The following FILIP1L variants were observed in gnomAD, a reference collection of about 807,000 sequenced individuals.
FILIP1L encodes filamin A interacting protein 1 like.
Under a neutral mutation model 96.6 loss-of-function variants are expected in FILIP1L, and 55 were observed. The observed-to-expected ratio is 0.57, with a 90% CI of 0.46 to 0.71. The LOEUF is 0.71. Among genes scored for constraint, FILIP1L ranks in the 30% least tolerant of loss-of-function variants. The pLI, the probability that FILIP1L is intolerant of heterozygous loss-of-function variation, is 0.00. For missense variants in FILIP1L, 1,304 were observed against 1,321.2 expected, an observed-to-expected ratio of 0.99 and a Z score of 0.20; for synonymous variants, 467 against 473.9, an observed-to-expected ratio of 0.99 and a Z score of 0.19.
intron 1 of FILIP1L, among the ~76,000 whole-genome samples, chr3:100,103,640 A>T (rs992388350): frequency 1.3e-5 from 2 of 152,138 alleles, no homozygotes; most frequent in Non-Finnish European, 2.9e-5. Flanking sequence ...TGGAGGAGAG[A>T]ATATTGGTTG....
At chr3:100,074,996 A>AT (rs2065827602) in intron 1 of FILIP1L, among the ~76,000 whole-genome samples, 1 of 151,824 alleles carries the variant, frequency 6.6e-6, no homozygotes, top group South Asian at 2.1e-4. Flanking sequence ...GCCCGGCCTG[A>AT]TTTTCTTTTA....
Position 99,830,407 on chromosome 3 carries a change from G to T in FILIP1L, c.*7C>A. On this transcript the variant is annotated 3_prime_UTR_variant, in exon 6 of 6. Transcript: ENST00000477258. ...ATGAATGTATCCAGGCAGTGCATTGGTATGAGTTACCTTCTCCCTCCCACG... is the reference window on the plus strand; with the variant it reads ...ATGAATGTATCCAGGCAGTGCATTGTTATGAGTTACCTTCTCCCTCCCACG... 2.3e-6 allele frequency: 1 copy of T among 434,398 alleles called. No individual in the cohort carries two copies. The highest frequency in any genetic ancestry group is 4.7e-6 in the Non-Finnish European group (1 of 214,814). The allele number at this position is 434,398 out of a possible 1,614,324, so 26.9% of individuals were successfully genotyped here.
At chr3:100,066,262 A>G (rs1303479181) in intron 1 of FILIP1L, among the ~76,000 whole-genome samples, 3 of 152,158 alleles carry the variant, frequency 2.0e-5, no homozygotes, top group East Asian at 3.8e-4. Context: ...TTTTCTTTTT[A>G]TTATTTTAAT....
chr3:100,093,441 T>C (rs1000075081), intron 1 of FILIP1L, among the ~76,000 whole-genome samples: 3 of 152,124 alleles, frequency 2.0e-5, no homozygotes, highest in South Asian at 2.1e-4. Context: ...ACAAAAAATA[T>C]ATACTTTTTT....
At chr3:99,912,594 T>C (rs1706827374) in intron 4 of FILIP1L, among the ~76,000 whole-genome samples, 1 of 152,128 alleles carries the variant, frequency 6.6e-6, no homozygotes, top group Non-Finnish European at 1.5e-5. Context: ...CCCAGGCTGG[T>C]CTCAAACTCC....
intron 4 of FILIP1L, among the ~76,000 whole-genome samples, chr3:99,893,482 T>A (rs193199308): frequency 2.6e-5 from 4 of 152,314 alleles, no homozygotes; most frequent in Admixed American, 6.5e-5. Context: ...AGACATTTTT[T>A]AATAGGCATT....
intron 4 of FILIP1L, among the ~76,000 whole-genome samples, chr3:99,868,598 A>C (rs944792724): frequency 1.3e-5 from 2 of 152,250 alleles, no homozygotes; most frequent in African/African-American, 2.4e-5. Context: ...TCCTTTCTGC[A>C]TAAGTCCAGG....
intron 4 of FILIP1L, among the ~76,000 whole-genome samples, chr3:99,879,977 A>G (rs578120980): frequency 1.1e-4 from 17 of 152,224 alleles, no homozygotes; most frequent in Middle Eastern, 3.4e-3. Flanking sequence ...ACCCCACGCT[A>G]CCTTCTACCA....
chr3:100,014,869 C>CTTTTTT (rs1559725848), intron 1 of FILIP1L, among the ~76,000 whole-genome samples: 2 of 18,520 alleles, frequency 1.1e-4, no homozygotes, highest in Non-Finnish European at 2.4e-4. Context: ...TTGTCTTTTT[C>CTTTTTT]TTTTCTTTTT....
intron 1 of FILIP1L, among the ~76,000 whole-genome samples, chr3:100,097,225 T>G (rs576537591): frequency 1.3e-5 from 2 of 152,186 alleles, no homozygotes; most frequent in African/African-American, 4.8e-5. Flanking sequence ...GATGAACAGT[T>G]TCATCCCCAA....
intron 1 of FILIP1L, among the ~76,000 whole-genome samples, chr3:99,956,111 C>T (rs1708312559): frequency 6.6e-6 from 1 of 152,110 alleles, no homozygotes; most frequent in Non-Finnish European, 1.5e-5. Flanking sequence ...TTATTCATTC[C>T]TTATTGCCTC....
chr3:99,848,836 G>A lies in FILIP1L; in HGVS notation c.2840C>T (p.Thr947Ile), dbSNP rs369863451. Residue 947 changes from threonine (T) to isoleucine (I), a missense_variant, in exon 5 of 6, where the codon ACC becomes ATC. Thr to Ile is a moderately conservative substitution (Grantham distance 89, BLOSUM62 -1). Coordinates refer to ENST00000477258, the MANE Select transcript of FILIP1L (RefSeq NM_001387850.1). ...TGTTATGGAGGCGTTTTGGAGGATGGTTATCCTTTGCTTTGGCGTGCCACA... is the reference window on the plus strand; with the variant it reads ...TGTTATGGAGGCGTTTTGGAGGATGATTATCCTTTGCTTTGGCGTGCCACA... ...PNCGTPKQRI[T>I]ILQNASITPV... 1.9e-6 allele frequency: 3 copies of A among 1,613,980 alleles called. No homozygotes were observed. The African/African-American group carries it at 4.0e-5, about 22-fold the overall frequency.
chr3:99,948,655 GGGGAA>G (rs1289879129), intron 1 of FILIP1L, among the ~76,000 whole-genome samples: 1 of 149,468 alleles, frequency 6.7e-6, no homozygotes, highest in Non-Finnish European at 1.5e-5. Flanking sequence ...GAAAGAAAGA[GGGGAA>G]GGGAAGGGAA....
chr3:100,027,021 G>A (rs2064936326), intron 1 of FILIP1L, among the ~76,000 whole-genome samples: 1 of 152,040 alleles, frequency 6.6e-6, no homozygotes, highest in South Asian at 2.1e-4. Flanking sequence ...TGTCCTTGCT[G>A]TTCCCTATTT....
chr3:99,908,906 A>G (rs793465), intron 4 of FILIP1L, among the ~76,000 whole-genome samples: 40,333 of 151,902 alleles, frequency 0.27, 6,067 homozygotes, highest in Admixed American at 0.34. Flanking sequence ...TTTTAATGGG[A>G]ATCTTAATTA....
intron 3 of FILIP1L, 81 bp from the exon 4 acceptor site, chr3:99,924,489 T>C (rs1707226949): frequency 1.4e-6 from 2 of 1,383,142 alleles, no homozygotes; most frequent in African/African-American, 2.9e-5. Flanking sequence ...TGTCCCTGTT[T>C]TGATTAATTC....
chr3:99,947,682 C>A (rs896045508), intron 1 of FILIP1L, among the ~76,000 whole-genome samples: 49 of 152,310 alleles, frequency 3.2e-4, no homozygotes, highest in African/African-American at 1.2e-3. Flanking sequence ...CCTCTAAATT[C>A]TTTTTCCCTT....
At chr3:99,987,156 G>A (rs1709365415) in intron 1 of FILIP1L, among the ~76,000 whole-genome samples, 1 of 151,516 alleles carries the variant, frequency 6.6e-6, no homozygotes, top group African/African-American at 2.4e-5. Context: ...CTTAAGCCCA[G>A]GAGGTTGAGG....
chr3:99,886,469 T>C (rs1470197321), intron 4 of FILIP1L, among the ~76,000 whole-genome samples: 1 of 152,008 alleles, frequency 6.6e-6, no homozygotes, highest in African/African-American at 2.4e-5. Context: ...TATGAATTTG[T>C]GTTGGGCTAC....
Sources: allele counts gnomAD v4.1 joint callset (sites outside exome capture counted in the v4.1 genomes callset), GRCh38; gene constraint gnomAD v4.1.1; transcripts MANE v1.5; gene names NCBI Gene and HGNC (gene_info 2026-07-23, HGNC 2026-07-21).